Variants in MYO6 observed in about 807,000 individuals in gnomAD.
MYO6 encodes myosin VI.
MYO6 carries 74 observed loss-of-function variants against 178.7 expected under a neutral mutation model. That is an observed-to-expected ratio of 0.41 (90% confidence interval 0.34 to 0.50). The LOEUF (loss-of-function observed/expected upper bound fraction) is 0.50. Ranked by LOEUF, MYO6 falls within the 20% of genes least tolerant of loss-of-function variation. The pLI, the probability that MYO6 is intolerant of heterozygous loss-of-function variation, is 0.09. For synonymous variants in MYO6, 477 were observed against 504.6 expected, an observed-to-expected ratio of 0.95 and a Z score of 0.73; for missense variants, 1,330 against 1,547.4, an observed-to-expected ratio of 0.86 and a Z score of 2.36.
At chr6:75,816,606 G>T (rs1337691400) in intron 1 of MYO6, among the ~76,000 whole-genome samples, 3 of 152,200 alleles carry the variant, frequency 2.0e-5, no homozygotes, top group Non-Finnish European at 4.4e-5. Flanking sequence ...TTTTACCTCA[G>T]TGGAAAATAA....
intron 1 of MYO6, among the ~76,000 whole-genome samples, chr6:75,806,428 C>T (rs1382664966): frequency 6.6e-6 from 1 of 151,904 alleles, no homozygotes; most frequent in East Asian, 1.9e-4. Flanking sequence ...AAGTGAGTGT[C>T]CATGGCTTCT....
Position 75,919,130 on chromosome 6 carries a change from A to AG in MYO6, c.*4118_*4119insG, listed in dbSNP as rs1475515704. 2 of 152,180 alleles carry AG rather than the reference A, an allele frequency of 1.3e-5. No individual in the cohort carries two copies. Among genetic ancestry groups the AG allele is most frequent in the African/African-American group, 4.8e-5 (2 of 41,398 alleles). 9.4% of individuals were successfully genotyped at this position (152,180 alleles called of 1,614,324 possible). A position where few individuals can be genotyped will look rare whatever the true frequency, so the allele number is the denominator to read the frequency against. ...GCGAAATTCCATCTCAAAAAATAAA[A>AG]TAGATTTAGGGGGTACAAGTGCAGT... On this transcript the variant is annotated 3_prime_UTR_variant, in exon 35 of 35. Transcript: ENST00000369977.
intron 28 of MYO6, among the ~76,000 whole-genome samples, chr6:75,893,692 A>C (rs1177952810): frequency 6.6e-6 from 1 of 152,236 alleles, no homozygotes; most frequent in Non-Finnish European, 1.5e-5. Flanking sequence ...GCACCCACCA[A>C]ATAGTATGTG....
intron 29 of MYO6, among the ~76,000 whole-genome samples, chr6:75,896,995 G>T (rs1490140533): frequency 2.0e-5 from 3 of 152,224 alleles, no homozygotes; most frequent in African/African-American, 4.8e-5. Flanking sequence ...GTCTAGGTCA[G>T]GTGTATCTTG....
chr6:75,855,406 G>A, intron 12 of MYO6, 123 bp downstream of exon 12: 2 of 906,724 alleles, frequency 2.2e-6, no homozygotes, highest in Non-Finnish European at 3.5e-6. Flanking sequence ...TCTCAGTGTA[G>A]TAATCCACCA....
chr6:75,838,648 GTTTT>G (rs113038679), intron 7 of MYO6, among the ~76,000 whole-genome samples: 1 of 137,250 alleles, frequency 7.3e-6, no homozygotes, highest in South Asian at 2.3e-4. Context: ...GTTGACCATG[GTTTT>G]TTTTTTTTTT....
At chr6:75,828,664 T>C in intron 4 of MYO6, 51 bp downstream of exon 4, 1 of 1,121,270 alleles carries the variant, frequency 8.9e-7, no homozygotes, top group Non-Finnish European at 1.4e-6. Context: ...TTATTTCATG[T>C]GGTACTCTTT....
At chr6:75,881,851 T>C (rs576726909) in intron 23 of MYO6, 33 bp downstream of exon 23, 1 of 1,610,872 alleles carries the variant, frequency 6.2e-7, no homozygotes, top group South Asian at 1.1e-5. Flanking sequence ...ATAGGATCTT[T>C]CATTGTTTCA....
intron 7 of MYO6, among the ~76,000 whole-genome samples, chr6:75,838,853 G>T (rs1270152167): frequency 6.6e-6 from 1 of 151,612 alleles, no homozygotes; most frequent in East Asian, 1.9e-4. Context: ...GTAGAGACGG[G>T]GTTTCACCAT....
At chr6:75,792,355 G>T (rs1768334672) in intron 1 of MYO6, among the ~76,000 whole-genome samples, 2 of 152,092 alleles carry the variant, frequency 1.3e-5, no homozygotes. Flanking sequence ...GTTAACAAAA[G>T]AAGCTGTTAA....
chr6:75,774,729 T>C (rs1395502268), intron 1 of MYO6, among the ~76,000 whole-genome samples: 3 of 151,902 alleles, frequency 2.0e-5, no homozygotes, highest in Non-Finnish European at 4.4e-5. Flanking sequence ...TTTAATCCCT[T>C]CCCCCCACTT....
rs1027011293 is a variant in MYO6, at chr6:75,859,956, G to C, written c.1473+963G>C. Among the ~76,000 whole-genome samples, 3 of 152,144 alleles carry C rather than the reference G, an allele frequency of 2.0e-5. No individual in the cohort carries two copies. The East Asian group carries it at 5.8e-4, about 29-fold the overall frequency. On this transcript the variant is annotated intron_variant, in intron 14 of 34. Transcript: ENST00000369977. ...ATTACAGGCGTGAGCCATCATGCCC[G>C]ACTGTAGCTCCCCTTCTTCAGGTCT...
chr6:75,861,178 G>A (rs1776185632), intron 15 of MYO6, 83 bp downstream of exon 15: 1 of 1,073,684 alleles, frequency 9.3e-7, no homozygotes, highest in South Asian at 1.3e-5. Flanking sequence ...CTTTTTAATT[G>A]ACATTACTTG....
chr6:75,751,099 A>G (rs1356804367), intron 1 of MYO6, among the ~76,000 whole-genome samples: 1 of 152,198 alleles, frequency 6.6e-6, no homozygotes, highest in African/African-American at 2.4e-5. Flanking sequence ...TTAATTGTAG[A>G]AACCGCCACA....
chr6:75,768,527 C>T (rs1332432782), intron 1 of MYO6, among the ~76,000 whole-genome samples: 2 of 151,814 alleles, frequency 1.3e-5, no homozygotes, highest in African/African-American at 4.8e-5. Context: ...ACTACAGGCG[C>T]CTGCCACTAT....
rs752035325 is a variant in MYO6 at position 75,907,713 on chromosome 6, GTGTT to G, written c.3280+8_3280+11del. ...ATACCATCAATACTTCTTGTGGTAA[GTGTT>G]TGGAGAAGATCAAAAATAGAAAATG... On this transcript the variant is annotated splice_donor_region_variant and intron_variant, in intron 31 of 34. Coordinates refer to ENST00000369977, the MANE Select transcript of MYO6 (RefSeq NM_004999.4). 2.6e-5 allele frequency: 42 copies of G among 1,601,062 alleles called. No individual in the cohort carries two copies. The Middle Eastern group carries it at 1.5e-3, about 57-fold the overall frequency.
chr6:75,830,556 T>G lies in MYO6; in HGVS notation c.391+11T>G, dbSNP rs1354487013. 1 of 1,608,264 alleles carries G rather than the reference T, an allele frequency of 6.2e-7. No homozygotes were observed. Among genetic ancestry groups the G allele is most frequent in the Admixed American group, 1.7e-5 (1 of 59,958 alleles). On this transcript the variant is annotated intron_variant, in intron 5 of 34. Coordinates refer to ENST00000369977, the MANE Select transcript of MYO6 (RefSeq NM_004999.4). ...ATGTCTTTGCAATTGGTAAGTGATT[T>G]TAAATGTATTTTAATTCTTGTCTTT...
chr6:75,849,854 G>T (rs1775093844), intron 11 of MYO6, among the ~76,000 whole-genome samples: 1 of 152,164 alleles, frequency 6.6e-6, no homozygotes, highest in Admixed American at 6.5e-5. Context: ...TGACCTTGCA[G>T]CGGCTTGGCA....
chr6:75,883,154 A>T (rs551338869), intron 23 of MYO6, among the ~76,000 whole-genome samples: 1 of 152,316 alleles, frequency 6.6e-6, no homozygotes, highest in South Asian at 2.1e-4. Context: ...TTTGCAAAAA[A>T]TGAATACAGT....
Sources: gnomAD v4.1 joint callset for allele counts (sites outside exome capture counted in the v4.1 genomes callset) on GRCh38, gnomAD v4.1.1 for gene constraint, MANE v1.5 for transcripts, NCBI Gene and HGNC (gene_info 2026-07-23, HGNC 2026-07-21) for gene names.